PTPRD: variants seen among roughly 807,000 people sequenced by gnomAD.
PTPRD encodes protein tyrosine phosphatase receptor type D.
In PTPRD, 34 loss-of-function variants were observed where a neutral mutation model predicts 214.5. The ratio of observed to expected loss-of-function variants is 0.16; its 90% CI spans 0.12 to 0.21. The LOEUF is 0.21. PTPRD is among the 10% of genes least tolerant of loss of function. The pLI, the probability that PTPRD is intolerant of heterozygous loss-of-function variation, is 1.00. For missense variants in PTPRD, 2,545 were observed against 2,398.7 expected, an observed-to-expected ratio of 1.06 and a Z score of -1.27; for synonymous variants, 1,128 against 845.7, an observed-to-expected ratio of 1.33 and a Z score of -5.79.
chr9:9,787,440 C>T (rs1056368763), intron 5 of PTPRD, among the ~76,000 whole-genome samples: 1 of 147,506 alleles, frequency 6.8e-6, no homozygotes, highest in Non-Finnish European at 1.5e-5. Flanking sequence ...AAAAAAAGGC[C>T]AAATCCTTTA....
At chr9:10,204,056 C>A (rs141175315) in intron 3 of PTPRD, among the ~76,000 whole-genome samples, 64 of 152,232 alleles carry the variant, frequency 4.2e-4, no homozygotes, top group African/African-American at 1.3e-3. Context: ...TTTTTGTTTT[C>A]CAATCTACCA....
chr9:9,578,368 G>GTT (rs2089679080), intron 7 of PTPRD, among the ~76,000 whole-genome samples: 1 of 152,014 alleles, frequency 6.6e-6, no homozygotes, highest in South Asian at 2.1e-4. Flanking sequence ...CTATGATGTA[G>GTT]TGTTTGGAGA....
chr9:9,043,090 T>G (rs2099647259), intron 10 of PTPRD, among the ~76,000 whole-genome samples: 1 of 152,156 alleles, frequency 6.6e-6, no homozygotes, highest in Non-Finnish European at 1.5e-5. Context: ...CCCAATAAAT[T>G]TACAACAAAT....
chr9:9,020,240 A>C (rs1355512694), intron 10 of PTPRD, among the ~76,000 whole-genome samples: 1 of 152,202 alleles, frequency 6.6e-6, no homozygotes, highest in Non-Finnish European at 1.5e-5. Context: ...AAGTGGAAGG[A>C]TGTGAAATAT....
intron 2 of PTPRD, among the ~76,000 whole-genome samples, chr9:10,351,183 A>G (rs1023548383): frequency 6.6e-6 from 1 of 152,138 alleles, no homozygotes; most frequent in African/African-American, 2.4e-5. Context: ...TTGAAGAAAA[A>G]TATGCTTGCA....
chr9:10,278,399 G>A (rs1190573452), intron 3 of PTPRD, among the ~76,000 whole-genome samples: 1 of 152,134 alleles, frequency 6.6e-6, no homozygotes, highest in Non-Finnish European at 1.5e-5. Flanking sequence ...AGGAGGTCCT[G>A]GAGGTGAGCT....
chr9:8,735,263 C>T (rs1252450989), intron 11 of PTPRD, among the ~76,000 whole-genome samples: 1 of 151,304 alleles, frequency 6.6e-6, no homozygotes, highest in East Asian at 2.0e-4. Context: ...CCTGTCTCAG[C>T]CACCCAAGTA....
At chr9:10,117,494 A>T (rs913072451) in intron 3 of PTPRD, among the ~76,000 whole-genome samples, 2 of 152,120 alleles carry the variant, frequency 1.3e-5, no homozygotes, top group Non-Finnish European at 2.9e-5. Flanking sequence ...TCCCTACAAA[A>T]GCTCTAGGGG....
At chr9:9,678,241 A>G (rs138883368) in intron 7 of PTPRD, among the ~76,000 whole-genome samples, 1,985 of 152,232 alleles carry the variant, frequency 0.013, 18 homozygotes, top group Middle Eastern at 0.037. Context: ...ATGGAACCAA[A>G]AAAGAGTCCA....
chr9:9,096,600 T>A (rs10977484), intron 10 of PTPRD, among the ~76,000 whole-genome samples: 21,099 of 152,044 alleles, frequency 0.14, 1,681 homozygotes, highest in East Asian at 0.23. Context: ...AAATATTTTG[T>A]CATAATTTCA....
At chr9:10,279,054 C>A (rs552238242) in intron 3 of PTPRD, among the ~76,000 whole-genome samples, 1 of 152,038 alleles carries the variant, frequency 6.6e-6, no homozygotes, top group Non-Finnish European at 1.5e-5. Flanking sequence ...GCTCACAGGC[C>A]TGAGCCACCG....
intron 8 of PTPRD, among the ~76,000 whole-genome samples, chr9:9,527,701 T>C (rs1389682499): frequency 1.3e-5 from 2 of 152,226 alleles, no homozygotes; most frequent in African/African-American, 4.8e-5. Context: ...TTATATGTTC[T>C]CTTTCCCAAT....
At chr9:9,208,054 C>T (rs1216999644) in intron 9 of PTPRD, among the ~76,000 whole-genome samples, 2 of 31,014 alleles carry the variant, frequency 6.4e-5, no homozygotes, top group South Asian at 1.9e-3. Context: ...GAGCTTCGCT[C>T]TCTCTCCCAG....
At chr9:9,245,493 A>G (rs913994506) in intron 9 of PTPRD, among the ~76,000 whole-genome samples, 1 of 152,090 alleles carries the variant, frequency 6.6e-6, no homozygotes, top group Non-Finnish European at 1.5e-5. Context: ...GCTGGAAACC[A>G]TCATTCTCAG....
intron 5 of PTPRD, among the ~76,000 whole-genome samples, chr9:9,843,670 T>G (rs2058835734): frequency 6.6e-6 from 1 of 152,010 alleles, no homozygotes; most frequent in South Asian, 2.1e-4. Context: ...TTCTCGATCT[T>G]TGAAAACACA....
chr9:9,302,819 C>G (rs1955902418), intron 9 of PTPRD, among the ~76,000 whole-genome samples: 1 of 151,696 alleles, frequency 6.6e-6, no homozygotes, highest in South Asian at 2.1e-4. Flanking sequence ...TTACTTAGCT[C>G]TGATATTACC....
In PTPRD at chr9:10,396,899, ACCT is replaced by A. The variant is rs1358214463; in HGVS notation, c.-599-55885_-599-55883del. Among the ~76,000 whole-genome samples the A allele has an allele frequency of 5.9e-5, 9 of 151,978 alleles. No homozygotes were observed. In the East Asian group the frequency reaches 1.6e-3, roughly 26 times the overall value. On this transcript the variant is annotated intron_variant, in intron 2 of 45. Transcript: ENST00000381196. ...AAATTACATAGCTAACACTGCAGGC[ACCT>A]CCTCCATACTTGAGGCCCTGGAATC... is the stretch of plus-strand genomic sequence containing the variant.
chr9:8,822,409 C>A (rs1455789617), intron 11 of PTPRD, among the ~76,000 whole-genome samples: 1 of 152,152 alleles, frequency 6.6e-6, no homozygotes, highest in Non-Finnish European at 1.5e-5. Flanking sequence ...TGTGTTCTGA[C>A]AGAGAAAGTA....
At chr9:8,352,671 T>C (rs1050496554) in intron 39 of PTPRD, among the ~76,000 whole-genome samples, 2 of 152,168 alleles carry the variant, frequency 1.3e-5, no homozygotes, top group African/African-American at 2.4e-5. Context: ...TTAAGCAAGA[T>C]TCAAAGAGAG....
Sources: allele counts gnomAD v4.1 joint callset (sites outside exome capture counted in the v4.1 genomes callset), GRCh38; gene constraint gnomAD v4.1.1; transcripts MANE v1.5; gene names NCBI Gene and HGNC (gene_info 2026-07-23, HGNC 2026-07-21).